LSAMP: variants seen among roughly 807,000 people sequenced by gnomAD.
LSAMP encodes the protein limbic system associated membrane protein, also known as limbic system-associated membrane protein.
LSAMP carries 7 observed loss-of-function variants against 38.6 expected under a neutral mutation model. That is an observed-to-expected ratio of 0.18 (90% CI 0.10 to 0.34). The LOEUF (loss-of-function observed/expected upper bound fraction) is 0.34, where lower values mean the gene tolerates loss of function less well. Among genes scored for constraint, LSAMP ranks in the 10% least tolerant of loss-of-function variants. The probability of loss-of-function intolerance (pLI) is 1.00; values close to 1 mark genes in which losing one functional copy is unlikely to be tolerated. For synonymous variants in LSAMP, 154 were observed against 166.8 expected, an observed-to-expected ratio of 0.92 and a Z score of 0.59; for missense variants, 313 against 420.0, an observed-to-expected ratio of 0.75 and a Z score of 2.23.
intron 1 of LSAMP, among the ~76,000 whole-genome samples, chr3:116,425,694 T>C (rs904843362): frequency 6.6e-6 from 1 of 152,056 alleles, no homozygotes; most frequent in South Asian, 2.1e-4. Context: ...TGCAGAAAAC[T>C]ATCAGCAAAC....
intron 1 of LSAMP, among the ~76,000 whole-genome samples, chr3:116,229,261 A>G (rs1409738309): frequency 6.6e-6 from 1 of 152,132 alleles, no homozygotes; most frequent in Non-Finnish European, 1.5e-5. Context: ...TTTACTTAAG[A>G]AAAAAGAGGA....
intron 1 of LSAMP, among the ~76,000 whole-genome samples, chr3:116,290,338 G>A (rs968742179): frequency 1.3e-5 from 2 of 152,024 alleles, no homozygotes; most frequent in African/African-American, 4.8e-5. Context: ...TCCTTATGTT[G>A]TAACACATTC....
intron 1 of LSAMP, among the ~76,000 whole-genome samples, chr3:116,348,912 C>T (rs1012682476): frequency 6.6e-6 from 1 of 152,084 alleles, no homozygotes; most frequent in Non-Finnish European, 1.5e-5. Flanking sequence ...TATGTATTAT[C>T]TTTGACAAGC....
chr3:116,415,072 C>T (rs1296893101), intron 1 of LSAMP, among the ~76,000 whole-genome samples: 2 of 151,494 alleles, frequency 1.3e-5, no homozygotes, highest in Admixed American at 1.3e-4. Context: ...CTGCTTGCCC[C>T]TCCTTCACAC....
chr3:116,164,035 G>A (rs1709970343), intron 1 of LSAMP, among the ~76,000 whole-genome samples: 1 of 151,938 alleles, frequency 6.6e-6, no homozygotes, highest in Non-Finnish European at 1.5e-5. Flanking sequence ...ATGTATTACT[G>A]ACTTTCGTTT....
At chr3:116,200,025 T>C (rs1017278017) in intron 1 of LSAMP, among the ~76,000 whole-genome samples, 9 of 152,008 alleles carry the variant, frequency 5.9e-5, no homozygotes, top group Non-Finnish European at 2.9e-5. Context: ...ATGAAGGCTA[T>C]GGTAATAGAA....
intron 2 of LSAMP, among the ~76,000 whole-genome samples, chr3:116,040,325 C>G (rs922013028): frequency 2.6e-5 from 4 of 152,200 alleles, no homozygotes; most frequent in Non-Finnish European, 4.4e-5. Context: ...TGAGAGCAAT[C>G]TGTCTTCGCT....
At chr3:115,888,904 T>C (rs2107452905) in intron 3 of LSAMP, among the ~76,000 whole-genome samples, 1 of 152,040 alleles carries the variant, frequency 6.6e-6, no homozygotes, top group Admixed American at 6.6e-5. Flanking sequence ...AAGTAAATTC[T>C]GAGGAAAAAG....
chr3:115,821,576 A>C (rs1934240188), intron 6 of LSAMP, among the ~76,000 whole-genome samples: 1 of 152,188 alleles, frequency 6.6e-6, no homozygotes, highest in Non-Finnish European at 1.5e-5. Flanking sequence ...GTGTGACATA[A>C]GTCTTTCTAT....
intron 1 of LSAMP, among the ~76,000 whole-genome samples, chr3:116,250,268 CAT>C (rs1422652386): frequency 6.6e-6 from 1 of 152,132 alleles, no homozygotes; most frequent in Non-Finnish European, 1.5e-5. Flanking sequence ...AGTAAGGTAA[CAT>C]ATTTTTTTTG....
In LSAMP at chr3:116,310,604, A is replaced by G. The variant is rs116101807; in HGVS notation, c.155+134273T>C. ...CTTAAATCTGCCCAGAAAGATTCTT[A>G]ATTATTCCAGAGCTGGCCTTTGAAG... On this transcript the variant is annotated intron_variant, in intron 1 of 6. Coordinates refer to ENST00000490035, the MANE Select transcript of LSAMP (RefSeq NM_002338.5). Among the ~76,000 whole-genome samples the G allele has an allele frequency of 6.3e-3, 952 of 152,264 alleles. 13 individuals carry two copies. Among genetic ancestry groups the G allele is most frequent in the African/African-American group, 0.022 (914 of 41,544 alleles).
chr3:116,417,142 C>T (rs1264881597), intron 1 of LSAMP, among the ~76,000 whole-genome samples: 1 of 152,162 alleles, frequency 6.6e-6, no homozygotes. Context: ...AGTTCAGGAG[C>T]AAATGGTGTG....
At chr3:115,969,212 C>T (rs1025812705) in intron 3 of LSAMP, among the ~76,000 whole-genome samples, 17 of 152,202 alleles carry the variant, frequency 1.1e-4, no homozygotes, top group Admixed American at 1.3e-4. Context: ...TTAAATATGA[C>T]ATTTCTGCGG....
intron 3 of LSAMP, among the ~76,000 whole-genome samples, chr3:116,018,555 CAAT>C (rs1253426165): frequency 2.0e-5 from 3 of 152,090 alleles, no homozygotes; most frequent in South Asian, 2.1e-4. Context: ...TCTACAAAAT[CAAT>C]AATATTTTAT....
rs3028670 is a variant in LSAMP, at chr3:116,248,477, A to ATGTGTG, written c.156-161927_156-161922dup. Among the ~76,000 whole-genome samples, 1,375 of 140,918 alleles carry ATGTGTG rather than the reference A, an allele frequency of 9.8e-3. 34 individuals are homozygous for ATGTGTG. Among genetic ancestry groups the ATGTGTG allele is most frequent in the African/African-American group, 0.031 (1,120 of 35,776 alleles). The allele number at this position is 140,918 out of a possible 152,430, so 92.4% of individuals were successfully genotyped here. On this transcript the variant is annotated intron_variant, in intron 1 of 6. Transcript: ENST00000490035. The stretch of plus-strand genomic sequence containing the variant: ...GCAATATAGTAAGACCCTGTCTCTA[A>ATGTGTG]TGTGTGTGTGTGTGTGTGTGTGTGT...
At chr3:116,374,664 C>A (rs927835666) in intron 1 of LSAMP, among the ~76,000 whole-genome samples, 3 of 151,926 alleles carry the variant, frequency 2.0e-5, no homozygotes, top group African/African-American at 7.2e-5. Flanking sequence ...AGTGAATAAT[C>A]AGTAAATCTT....
chr3:116,071,049 TA>T (rs1559730973), intron 2 of LSAMP, among the ~76,000 whole-genome samples: 4 of 137,330 alleles, frequency 2.9e-5, no homozygotes, highest in Admixed American at 7.6e-5. Flanking sequence ...TCAAAATAAA[TA>T]AATAATAAAT....
intron 2 of LSAMP, among the ~76,000 whole-genome samples, chr3:116,020,466 G>C (rs1474878089): frequency 1.3e-5 from 2 of 152,130 alleles, no homozygotes; most frequent in Non-Finnish European, 2.9e-5. Context: ...GGCATAGAGG[G>C]GGCTAGGTGA....
chr3:116,441,061 A>G (rs1448079375), intron 1 of LSAMP, among the ~76,000 whole-genome samples: 2 of 152,204 alleles, frequency 1.3e-5, no homozygotes, highest in Non-Finnish European at 2.9e-5. Context: ...CCCTTGGTGT[A>G]GAAACAAACA....
Sources: allele counts gnomAD v4.1 joint callset (sites outside exome capture counted in the v4.1 genomes callset), GRCh38; gene constraint gnomAD v4.1.1; transcripts MANE v1.5; gene names NCBI Gene and HGNC (gene_info 2026-07-23, HGNC 2026-07-21).